The following NCOR2 variants were observed in gnomAD, a reference collection of about 807,000 sequenced individuals.
NCOR2 encodes the protein nuclear receptor corepressor 2, also known as CTG repeat protein 26.
Under a neutral mutation model 262.9 loss-of-function variants are expected in NCOR2, and 81 were observed. That is an observed-to-expected ratio of 0.31 (90% CI 0.26 to 0.37). The LOEUF (loss-of-function observed/expected upper bound fraction) is 0.37. Among genes scored for constraint, NCOR2 ranks in the 10% least tolerant of loss-of-function variants. The pLI, the probability that NCOR2 is intolerant of heterozygous loss-of-function variation, is 1.00. For missense variants in NCOR2, 3,385 were observed against 3,621.4 expected (o/e 0.93, Z 1.68); for synonymous variants, 1,659 against 1,559.3 (o/e 1.06, Z -1.51).
At chr12:124,466,388 G>T in intron 4 of NCOR2, 102 bp from the exon 7 acceptor site, 1 of 1,000,966 alleles carries the variant, frequency 1.0e-6, no homozygotes, top group Non-Finnish European at 1.5e-6. Flanking sequence ...CCGGGCCACG[G>T]CCGCGCACAG....
chr12:124,511,543 G>A (rs1281795319), intron 1 of NCOR2, among the ~76,000 whole-genome samples: 1 of 152,244 alleles, frequency 6.6e-6, no homozygotes, highest in Non-Finnish European at 1.5e-5. Flanking sequence ...CAAAGCCGGG[G>A]TAGAATCCGA....
At chr12:124,546,634 C>CA (rs2051553016) in intron 1 of NCOR2, among the ~76,000 whole-genome samples, 2 of 152,066 alleles carry the variant, frequency 1.3e-5, no homozygotes, top group Non-Finnish European at 2.9e-5. Flanking sequence ...AGGCTGGTCT[C>CA]AAACTCCTGG....
intron 16 of NCOR2, among the ~76,000 whole-genome samples, chr12:124,394,628 TGGAG>T (rs1448931469): frequency 6.6e-6 from 1 of 152,096 alleles, no homozygotes; most frequent in East Asian, 1.9e-4. Context: ...AGGCAGAGCC[TGGAG>T]GGATGTGGTC....
intron 8 of NCOR2, among the ~76,000 whole-genome samples, chr12:124,433,111 G>A (rs1438555968): frequency 2.0e-5 from 3 of 152,166 alleles, no homozygotes; most frequent in Non-Finnish European, 2.9e-5. Flanking sequence ...CGACAGCCCC[G>A]TGACCATGAC....
chr12:124,343,180 C>T (rs762329644), exon 33 of NCOR2: 136 of 1,608,858 alleles, frequency 8.5e-5, no homozygotes, highest in Non-Finnish European at 1.0e-4. Flanking sequence ...CACGAGGCGT[C>T]GACGTCAGCT....
At chr12:124,445,027 T>G (rs892569948) in intron 7 of NCOR2, among the ~76,000 whole-genome samples, 1 of 152,124 alleles carries the variant, frequency 6.6e-6, no homozygotes, top group East Asian at 1.9e-4. Flanking sequence ...GCCCCGGGTC[T>G]GACAGTTCCC....
At chr12:124,328,864 T>G (rs1216351355) in intron 44 of NCOR2, 1 of 223,526 alleles carries the variant, frequency 4.5e-6, no homozygotes, top group East Asian at 1.2e-4. Flanking sequence ...TCTTTTCCCT[T>G]TTGGTTTCAA....
chr12:124,422,054 A>G (rs1053695934), intron 12 of NCOR2, among the ~76,000 whole-genome samples: 8 of 152,338 alleles, frequency 5.3e-5, no homozygotes, highest in African/African-American at 1.4e-4. Context: ...GGGACCTAGA[A>G]AAGCTGGTCC....
chr12:124,521,566 G>A (rs934373383), intron 1 of NCOR2, among the ~76,000 whole-genome samples: 2 of 152,180 alleles, frequency 1.3e-5, no homozygotes, highest in Non-Finnish European at 2.9e-5. Flanking sequence ...AGTCCACAGA[G>A]GCAGAAGGCA....
chr12:124,500,842 G>A (rs2048661754), intron 1 of NCOR2, among the ~76,000 whole-genome samples: 1 of 152,118 alleles, frequency 6.6e-6, no homozygotes. Flanking sequence ...GGCGGGGGCT[G>A]GTGGAGGTGT....
chr12:124,387,303 A>G (rs534306781), intron 16 of NCOR2, among the ~76,000 whole-genome samples: 70 of 151,676 alleles, frequency 4.6e-4, no homozygotes, highest in African/African-American at 1.6e-3. Flanking sequence ...AAATAAAACA[A>G]CAGCAGCAGA....
rs1433058161 is a variant in NCOR2 at position 124,415,232 on chromosome 12, G to A, written c.1482+4725C>T. ...GAGACCACCACTGCCTGCACCTCCCGTCCGTCACCGCAGCCTTCCAAGCAG... is the reference window on the plus strand; with the variant it reads ...GAGACCACCACTGCCTGCACCTCCCATCCGTCACCGCAGCCTTCCAAGCAG... On this transcript the variant is annotated intron_variant, in intron 13 of 46. Transcript: ENST00000405201. 5.3e-5 allele frequency among the ~76,000 whole-genome samples: 8 copies of A among 152,154 alleles called. No homozygotes were observed. In the South Asian group the frequency reaches 8.3e-4, roughly 16 times the overall value.
chr12:124,426,727 T>A (rs552072410), exon 11 of NCOR2: 3 of 1,611,050 alleles, frequency 1.9e-6, no homozygotes. Context: ...GTTGATGAAC[T>A]TGATGCGCTG....
chr12:124,539,953 G>A (rs376831367), upstream of NCOR2, among the ~76,000 whole-genome samples: 24 of 152,244 alleles, frequency 1.6e-4, no homozygotes, highest in East Asian at 3.3e-3. The surrounding 1 kb of genome is among the most constrained non-coding windows in gnomAD (Gnocchi z 5.1). Context: ...AGAGCCAGCC[G>A]ACATTCAAAC....
intron 1 of NCOR2, among the ~76,000 whole-genome samples, chr12:124,494,094 A>C (rs1329677048): frequency 6.6e-6 from 1 of 152,204 alleles, no homozygotes; most frequent in South Asian, 2.1e-4. Flanking sequence ...CCACTGTGTC[A>C]GGGACTCCCC....
chr12:124,499,115 A>G (rs1266399734), upstream of NCOR2, among the ~76,000 whole-genome samples: 1 of 152,264 alleles, frequency 6.6e-6, no homozygotes, highest in Non-Finnish European at 1.5e-5. Flanking sequence ...ACTTTTCATC[A>G]GCAGGTTTGG....
intron 3 of NCOR2, among the ~76,000 whole-genome samples, chr12:124,479,597 C>T (rs1428869504): frequency 6.6e-6 from 1 of 152,246 alleles, no homozygotes; most frequent in East Asian, 1.9e-4. Flanking sequence ...ACACACACAC[C>T]CTGGCCTGCT....
chr12:124,351,281 A>C (rs61934025), intron 27 of NCOR2, among the ~76,000 whole-genome samples: 49,285 of 152,138 alleles, frequency 0.32, 8,361 homozygotes, highest in East Asian at 0.46. Flanking sequence ...TCCTAAAACC[A>C]GGACAAGGAC....
intron 41 of NCOR2, 38 bp downstream of exon 43, chr12:124,334,386 C>A: frequency 6.8e-7 from 1 of 1,461,984 alleles, no homozygotes; most frequent in Non-Finnish European, 9.2e-7. Context: ...GGCCTCCCGC[C>A]GGCTGACCAG....
Sources: gnomAD v4.1 joint callset for allele counts (sites outside exome capture counted in the v4.1 genomes callset) on GRCh38, gnomAD v4.1.1 for gene constraint, Gnocchi (gnomAD v3.1) non-coding constraint, MANE v1.5 for transcripts, NCBI Gene and HGNC (gene_info 2026-07-23, HGNC 2026-07-21) for gene names.